Variants in UPF1 observed in about 807,000 individuals in gnomAD.
The protein encoded by UPF1 is UPF1 RNA helicase and ATPase.
A neutral mutation model predicts 129.2 loss-of-function variants in UPF1; 9 were observed. The ratio of observed to expected loss-of-function variants is 0.07; its 90% CI spans 0.04 to 0.12. The LOEUF (loss-of-function observed/expected upper bound fraction) is 0.12, where lower values mean the gene tolerates loss of function less well. Among genes scored for constraint, UPF1 ranks in the 10% least tolerant of loss-of-function variants. The pLI is 1.00. For synonymous variants in UPF1, 649 were observed against 644.9 expected (o/e 1.01, Z -0.10); for missense variants, 788 against 1,525.3 (o/e 0.52, Z 8.05).
At position 18,857,473 on chromosome 19, in the gene UPF1, C is replaced by G; in HGVS notation, c.2122C>G (p.Leu708Val). The G allele has an allele frequency of 6.2e-7, 1 of 1,613,966 alleles. No individual in the cohort carries two copies. The highest frequency in any genetic ancestry group is 8.5e-7 in the Non-Finnish European group (1 of 1,180,016). The change falls in exon 15 of 24, where the codon CTC (leucine) becomes GTC (valine). Residue 708 changes from leucine (L) to valine (V), a missense_variant. This residue lies in a region of UPF1 where 140 missense variants were observed against 385.9 expected (regional missense o/e 0.36). Coordinates refer to ENST00000262803, the MANE Select transcript of UPF1 (RefSeq NM_002911.4). The stretch of plus-strand genomic sequence containing the variant: ...GGTCCAGTACCGGATGCACCCTGCA[C>G]TCAGCGCCTTCCCATCCAACATCTT... ...LQVQYRMHPALSAFPSNIFYE... is the reference protein window; with the variant it reads ...LQVQYRMHPAVSAFPSNIFYE...
At chr19:18,866,019 C>G (rs759915272) in intron 22 of UPF1, 25 bp from the exon 23 acceptor site, 2 of 1,612,720 alleles carry the variant, frequency 1.2e-6, no homozygotes, top group African/African-American at 2.7e-5. Context: ...CTGTGGCTTG[C>G]TTACCTCCTG....
chr19:18,832,316 C>A lies in UPF1; in HGVS notation c.107C>A (p.Thr36Asn), dbSNP rs749864487. ...ACACAGGGCTCCGAGTTCGAGTTCA[C>A]CGACTTTACTCTTCCTAGCCAGACG... ...ADTQGSEFEF[T>N]DFTLPSQTQT... The change falls in exon 1 of 24, where the codon ACC becomes AAC. Residue 36 changes from threonine (T) to asparagine (N), a missense_variant. By Grantham distance (65) the Thr-to-Asn change is moderately conservative. Transcript: ENST00000262803. The surrounding 1 kb of genome is among the most constrained non-coding windows in gnomAD (Gnocchi z 5.6). 2.6e-6 allele frequency: 4 copies of A among 1,527,964 alleles called. No homozygotes were observed. The highest frequency in any genetic ancestry group is 3.5e-6 in the Non-Finnish European group (4 of 1,134,360). The allele number at this position is 1,527,964 out of a possible 1,614,324, so 94.7% of individuals were successfully genotyped here. A position where few individuals can be genotyped will look rare whatever the true frequency, so the allele number is the denominator to read the frequency against.
At chr19:18,845,604 G>T (rs749455744) in intron 1 of UPF1, among the ~76,000 whole-genome samples, 1 of 152,150 alleles carries the variant, frequency 6.6e-6, no homozygotes, top group African/African-American at 2.4e-5. Flanking sequence ...TTACACTGTG[G>T]TGGGTCTGGC....
intron 1 of UPF1, among the ~76,000 whole-genome samples, chr19:18,843,383 T>C (rs964378710): frequency 2.0e-5 from 3 of 152,088 alleles, no homozygotes. Context: ...GCCTGGGTGC[T>C]GGCAAATGCA....
intron 23 of UPF1, 144 bp downstream of exon 23, chr19:18,866,310 G>T: frequency 7.7e-7 from 1 of 1,302,814 alleles, no homozygotes; most frequent in Non-Finnish European, 1.0e-6. Context: ...CTCAGGGCCA[G>T]CTTGGCCTGT....
chr19:18,865,558 C>A lies in UPF1; in HGVS notation c.3020-3C>A. On this transcript the variant is annotated splice_polypyrimidine_tract_variant and splice_region_variant and intron_variant, in intron 21 of 23. Coordinates refer to ENST00000262803, the MANE Select transcript of UPF1 (RefSeq NM_002911.4). The surrounding 1 kb of genome is among the most constrained non-coding windows in gnomAD (Gnocchi z 6.1). ...CGGATCACCCTGGACTGCTGTCTTT[C>A]AGGGCGAGGCACCCCGAAAGGCAAG... The A allele has an allele frequency of 6.2e-7, 1 of 1,613,934 alleles. No individual in the cohort carries two copies. The highest frequency in any genetic ancestry group is 8.5e-7 in the Non-Finnish European group (1 of 1,180,038).
rs1206582045 is a variant in UPF1 at position 18,851,397 on chromosome 19, G to C, written c.810+529G>C. On this transcript the variant is annotated intron_variant, in intron 5 of 23. Transcript: ENST00000262803. The surrounding 1 kb of genome is among the most constrained non-coding windows in gnomAD (Gnocchi z 4.2). ...CAGCTGTTTAGGATTTTGTGATAAA[G>C]TAGTTCTAATAACTAGGCTAGAAGT... Among the ~76,000 whole-genome samples the C allele has an allele frequency of 6.6e-6, 1 of 152,214 alleles. No homozygotes were observed. The highest frequency in any genetic ancestry group is 1.5e-5 in the Non-Finnish European group (1 of 68,044).
At chr19:18,854,335 A>T (rs1039616689) in intron 8 of UPF1, among the ~76,000 whole-genome samples, 5 of 152,046 alleles carry the variant, frequency 3.3e-5, no homozygotes, top group African/African-American at 1.2e-4. Flanking sequence ...AGGGGCCTAG[A>T]TGGGTGGCTG....
At chr19:18,833,173 C>T (rs1251763574) in intron 1 of UPF1, 2 of 152,310 alleles carry the variant, frequency 1.3e-5, no homozygotes, top group East Asian at 3.8e-4. Flanking sequence ...GTAGGTTCGA[C>T]TTTCCCCATG....
chr19:18,865,797 C>T lies in UPF1; in HGVS notation c.3237+19C>T, dbSNP rs777979439. 19 of 1,611,502 alleles carry T rather than the reference C, an allele frequency of 1.2e-5. No individual in the cohort carries two copies. Among genetic ancestry groups the T allele is most frequent in the Middle Eastern group, 1.6e-4 (1 of 6,082 alleles). ...GTCCCAGGTGAGCCCGCCCCTGGGA[C>T]GGGACTTACCTGAGTGAGGGTGGGG... On this transcript the variant is annotated intron_variant, in intron 22 of 23. Coordinates refer to ENST00000262803, the MANE Select transcript of UPF1 (RefSeq NM_002911.4). The surrounding 1 kb of genome is among the most constrained non-coding windows in gnomAD (Gnocchi z 6.1).
At chr19:18,861,490 C>G (rs1280052798) in intron 17 of UPF1, among the ~76,000 whole-genome samples, 1 of 152,242 alleles carries the variant, frequency 6.6e-6, no homozygotes, top group African/African-American at 2.4e-5. Context: ...CTCAGGTTCT[C>G]TGGGATGAGC....
At position 18,851,021 on chromosome 19, in the gene UPF1, T is replaced by G. The variant is rs1018884555; in HGVS notation, c.810+153T>G. The stretch of plus-strand genomic sequence containing the variant: ...TCTGCCACCTCTACGTGGAATGACC[T>G]CAGGGCACCTTGGTCACCTTCCATC... On this transcript the variant is annotated intron_variant, in intron 5 of 23. Transcript: ENST00000262803. The surrounding 1 kb of genome is among the most constrained non-coding windows in gnomAD (Gnocchi z 4.2). 2.2e-6 allele frequency: 2 copies of G among 917,798 alleles called. No individual in the cohort carries two copies. Among genetic ancestry groups the G allele is most frequent in the Non-Finnish European group, 3.0e-6 (2 of 656,120 alleles). 56.9% of individuals were successfully genotyped at this position (917,798 alleles called of 1,614,324 possible). A position where few individuals can be genotyped will look rare whatever the true frequency, so the allele number is the denominator to read the frequency against.
rs1212037636 is a variant in UPF1, at chr19:18,867,312, C to T, written c.*795C>T. 6.6e-6 allele frequency: 1 copy of T among 152,284 alleles called. No homozygotes were observed. Among genetic ancestry groups the T allele is most frequent in the Non-Finnish European group, 1.5e-5 (1 of 68,056 alleles). 9.4% of individuals were successfully genotyped at this position (152,284 alleles called of 1,614,324 possible). On this transcript the variant is annotated 3_prime_UTR_variant, in exon 24 of 24. Coordinates refer to ENST00000262803, the MANE Select transcript of UPF1 (RefSeq NM_002911.4). The stretch of plus-strand genomic sequence containing the variant: ...CTGCTGGGGTAGCCGCCCGCCGAGC[C>T]TGGAAGCTGCTCGTTCTCCGCTGGA...
chr19:18,833,781 C>G (rs1029496772), intron 1 of UPF1, among the ~76,000 whole-genome samples: 1 of 152,176 alleles, frequency 6.6e-6, no homozygotes, highest in Non-Finnish European at 1.5e-5. Context: ...CCACTCCTTG[C>G]TCATCCAGAG....
In UPF1 at chr19:18,832,184, G is replaced by C; in HGVS notation, c.-26G>C. The C allele has an allele frequency of 6.6e-7, 1 of 1,518,236 alleles. No individual in the cohort carries two copies. Among genetic ancestry groups the C allele is most frequent in the Non-Finnish European group, 8.8e-7 (1 of 1,130,478 alleles). 94.0% of individuals were successfully genotyped at this position (1,518,236 alleles called of 1,614,324 possible). ...CGGGCTCGAGTGCAGCGCGGAACCG[G>C]CCCGAGGGCCCTACCCGGAGGCACC... On this transcript the variant is annotated 5_prime_UTR_variant, in exon 1 of 24. Coordinates refer to ENST00000262803, the MANE Select transcript of UPF1 (RefSeq NM_002911.4). The surrounding 1 kb of genome is among the most constrained non-coding windows in gnomAD (Gnocchi z 5.6).
In UPF1 at chr19:18,846,109, C is replaced by G; in HGVS notation, c.361C>G (p.His121Asp). The G allele has an allele frequency of 6.2e-7, 1 of 1,614,052 alleles. No homozygotes were observed. The highest frequency in any genetic ancestry group is 8.5e-7 in the Non-Finnish European group (1 of 1,179,990). Residue 121 changes from histidine (H) to aspartate (D), a missense_variant, in exon 2 of 24, where the codon CAC becomes GAC. Physicochemically the swap from His to Asp is moderately conservative, Grantham distance 81. Coordinates refer to ENST00000262803, the MANE Select transcript of UPF1 (RefSeq NM_002911.4). ...CTATTACACGAAGGACCTCCCCATACACGCCTGCAGGTGAGCTGAGCTCAG... is the reference window on the plus strand; with the variant it reads ...CTATTACACGAAGGACCTCCCCATAGACGCCTGCAGGTGAGCTGAGCTCAG... ...DTYYTKDLPI[H>D]ACSYCGIHDP... is the part of the protein sequence containing the mutation.
At chr19:18,855,677 C>G in intron 11 of UPF1, 1 of 563,024 alleles carries the variant, frequency 1.8e-6, no homozygotes, top group Non-Finnish European at 3.1e-6. Flanking sequence ...TGAGACGTCT[C>G]TACAAAAAAA....
Position 18,867,120 on chromosome 19 carries a change from G to GT in UPF1, c.*606dup, listed in dbSNP as rs2055859008. 1 of 152,592 alleles carries GT rather than the reference G, an allele frequency of 6.6e-6. No homozygotes were observed. 9.5% of individuals were successfully genotyped at this position (152,592 alleles called of 1,614,324 possible). A position where few individuals can be genotyped will look rare whatever the true frequency, so the allele number is the denominator to read the frequency against. The stretch of plus-strand genomic sequence containing the variant: ...GGAGTACTGAAGAATACTTTCCTAA[G>GT]TTTGTCTGTAAAATCTTAGCGGTGG... On this transcript the variant is annotated 3_prime_UTR_variant, in exon 24 of 24. Transcript: ENST00000262803.
intron 1 of UPF1, among the ~76,000 whole-genome samples, chr19:18,844,490 A>ATTT (rs5827424): frequency 2.1e-5 from 3 of 145,510 alleles, no homozygotes; most frequent in East Asian, 4.1e-4. Context: ...CGTCCAGCTA[A>ATTT]TTTTTTTTTT....
Sources: gnomAD v4.1 joint callset for allele counts (sites outside exome capture counted in the v4.1 genomes callset) on GRCh38, gnomAD v4.1.1 for gene constraint, gnomAD v4.1.1 regional missense constraint, Gnocchi (gnomAD v3.1) non-coding constraint, MANE v1.5 for transcripts, NCBI Gene and HGNC (gene_info 2026-07-23, HGNC 2026-07-21) for gene names.